RYR2: variants seen among roughly 807,000 people sequenced by gnomAD.
RYR2 encodes the protein ryanodine receptor 2.
Under a neutral mutation model 601.1 loss-of-function variants are expected in RYR2, and 227 were observed. The observed-to-expected ratio is 0.38, with a 90% CI of 0.34 to 0.42. The LOEUF is 0.42. RYR2 is among the 10% of genes least tolerant of loss of function. The pLI is 1.00. For missense variants in RYR2, 4,646 were observed against 6,156.5 expected, an observed-to-expected ratio of 0.75 and a Z score of 8.21; for synonymous variants, 2,223 against 2,175.1, an observed-to-expected ratio of 1.02 and a Z score of -0.61.
intron 1 of RYR2, among the ~76,000 whole-genome samples, chr1:237,043,756 CAAAA>C (rs1660218958): frequency 6.6e-6 from 1 of 152,036 alleles, no homozygotes; most frequent in South Asian, 2.1e-4. Flanking sequence ...CAAAACAAAA[CAAAA>C]CAAACAAACA....
intron 1 of RYR2, among the ~76,000 whole-genome samples, chr1:237,148,521 A>ATATATATATATATATAT (rs1417305977): frequency 2.3e-5 from 1 of 44,004 alleles, no homozygotes; most frequent in Non-Finnish European, 4.7e-5. Flanking sequence ...CAAGTAAAAA[A>ATATATATATATATATAT]AAAAAAATAT....
At chr1:237,429,095 C>CTG (rs139495731) in intron 12 of RYR2, among the ~76,000 whole-genome samples, 2,102 of 152,192 alleles carry the variant, frequency 0.014, 50 homozygotes, top group African/African-American at 0.048. Context: ...TTAGTGCCCT[C>CTG]AGAGCTTGGG....
chr1:237,187,441 GAC>G (rs1679484207), intron 1 of RYR2, among the ~76,000 whole-genome samples: 1 of 13,758 alleles, frequency 7.3e-5, no homozygotes, highest in African/African-American at 1.5e-4. Context: ...ACGCCCGGCC[GAC>G]TTTTTTTTTT....
intron 80 of RYR2, among the ~76,000 whole-genome samples, chr1:237,752,350 T>C (rs1692601565): frequency 6.6e-6 from 1 of 152,054 alleles, no homozygotes; most frequent in African/African-American, 2.4e-5. Context: ...AGGGTCTTGC[T>C]ATTTGCCCAG....
chr1:237,059,668 C>T (rs1662606422), intron 1 of RYR2, among the ~76,000 whole-genome samples: 1 of 152,014 alleles, frequency 6.6e-6, no homozygotes. Flanking sequence ...AGACTAAGGC[C>T]ATGTATTTAT....
chr1:237,056,805 G>A (rs1662195320), intron 1 of RYR2, among the ~76,000 whole-genome samples: 1 of 152,112 alleles, frequency 6.6e-6, no homozygotes, highest in African/African-American at 2.4e-5. Flanking sequence ...CTGGAGCACT[G>A]CACCTGTGAG....
chr1:237,651,485 C>T lies in RYR2; in HGVS notation c.7808C>T (p.Ala2603Val), dbSNP rs752607318. The stretch of plus-strand genomic sequence containing the variant: ...GATGTTCCATTATTAAATGAACACG[C>T]AAAGATGCCTCTTAAAGTAAGTATA... ...VFDVPLLNEH[A>V]KMPLKLLTNH... Residue 2603 changes from alanine (A) to valine (V), a missense_variant, in exon 51 of 105, where the codon GCA (alanine) becomes GTA (valine). Ala to Val is a moderately conservative substitution (Grantham distance 64). Coordinates refer to ENST00000366574, the MANE Select transcript of RYR2 (RefSeq NM_001035.3). 1.6e-5 allele frequency: 25 copies of T among 1,564,582 alleles called. No individual in the cohort carries two copies. Among genetic ancestry groups the T allele is most frequent in the Non-Finnish European group, 2.0e-5 (23 of 1,148,748 alleles).
At chr1:237,546,532 C>T (rs935812323) in intron 25 of RYR2, among the ~76,000 whole-genome samples, 1 of 152,010 alleles carries the variant, frequency 6.6e-6, no homozygotes, top group African/African-American at 2.4e-5. Context: ...TGGGTGCCAC[C>T]ATGCCCAGCT....
chr1:237,794,901 G>T (rs1434018124), intron 95 of RYR2, among the ~76,000 whole-genome samples: 2 of 152,202 alleles, frequency 1.3e-5, no homozygotes, highest in East Asian at 3.8e-4. Flanking sequence ...AGGATAAGTG[G>T]TGGGAAAGAG....
intron 4 of RYR2, among the ~76,000 whole-genome samples, chr1:237,358,880 C>T (rs185594468): frequency 6.6e-6 from 1 of 152,090 alleles, no homozygotes; most frequent in African/African-American, 2.4e-5. Context: ...TCCAGGCCCA[C>T]CTGCACTTCT....
intron 88 of RYR2, among the ~76,000 whole-genome samples, chr1:237,780,121 G>C (rs569834943): frequency 2.5e-4 from 37 of 149,828 alleles, no homozygotes; most frequent in African/African-American, 9.4e-4. Context: ...TGAACAGTTA[G>C]AAACTATATT....
intron 100 of RYR2, among the ~76,000 whole-genome samples, chr1:237,814,281 T>C (rs141319257): frequency 1.5e-4 from 23 of 152,238 alleles, no homozygotes; most frequent in African/African-American, 4.8e-4. Flanking sequence ...TTAATTTCTT[T>C]AATTTAGTTC....
At chr1:237,174,035 C>T (rs185378821) in intron 1 of RYR2, among the ~76,000 whole-genome samples, 139 of 147,914 alleles carry the variant, frequency 9.4e-4, no homozygotes, top group African/African-American at 3.3e-3. Context: ...CCAGCCTGGG[C>T]GACAGGGCAA....
chr1:237,388,250 A>G (rs1702104938), intron 10 of RYR2, 67 bp downstream of exon 10: 1 of 1,319,128 alleles, frequency 7.6e-7, no homozygotes, highest in African/African-American at 1.5e-5. Context: ...TTTAAAAACT[A>G]GGGATCTATT....
At chr1:237,344,050 T>C (rs868731768) in intron 3 of RYR2, among the ~76,000 whole-genome samples, 7 of 152,164 alleles carry the variant, frequency 4.6e-5, no homozygotes, top group Non-Finnish European at 8.8e-5. Context: ...CTCGAACTCC[T>C]TACCTCAGGT....
chr1:237,798,671 C>A (rs1023623294), intron 97 of RYR2, among the ~76,000 whole-genome samples: 5 of 152,022 alleles, frequency 3.3e-5, no homozygotes, highest in Non-Finnish European at 7.4e-5. Context: ...ACCATCATAC[C>A]ATTACTTGTA....
At chr1:237,427,060 G>A (rs780856996) in intron 12 of RYR2, among the ~76,000 whole-genome samples, 1 of 152,068 alleles carries the variant, frequency 6.6e-6, no homozygotes, top group Non-Finnish European at 1.5e-5. Flanking sequence ...CAGCCAAAAA[G>A]GAAACACTCA....
At chr1:237,698,848 C>A (rs1687720692) in intron 63 of RYR2, 117 bp from the exon 64 acceptor site, 6 of 567,492 alleles carry the variant, frequency 1.1e-5, no homozygotes, top group South Asian at 5.4e-5. Context: ...ATTAAAAAAC[C>A]TTTTAAAATA....
At chr1:237,738,993 T>G (rs1383137150) in intron 79 of RYR2, among the ~76,000 whole-genome samples, 1 of 152,208 alleles carries the variant, frequency 6.6e-6, no homozygotes, top group Non-Finnish European at 1.5e-5. Context: ...GTTACTGACT[T>G]TTGTCAACCA....
Sources: gnomAD v4.1 joint callset for allele counts (sites outside exome capture counted in the v4.1 genomes callset) on GRCh38, gnomAD v4.1.1 for gene constraint, MANE v1.5 for transcripts, NCBI Gene and HGNC (gene_info 2026-07-23, HGNC 2026-07-21) for gene names.